CERKL: variants seen among roughly 807,000 people sequenced by gnomAD.
The protein encoded by CERKL is ceramide kinase-like protein.
A neutral mutation model predicts 63.4 loss-of-function variants in CERKL; 61 were observed. That is an observed-to-expected ratio of 0.96 (90% CI 0.78 to 1.19). The LOEUF is 1.19. CERKL is among the 50% of genes most tolerant of loss of function. The pLI is 0.00. For missense variants in CERKL, 675 were observed against 655.5 expected, an observed-to-expected ratio of 1.03 and a Z score of -0.33; for synonymous variants, 250 against 230.5, an observed-to-expected ratio of 1.08 and a Z score of -0.77.
chr2:181,619,431 G>C (rs1242442402), intron 1 of CERKL, among the ~76,000 whole-genome samples: 1 of 151,962 alleles, frequency 6.6e-6, no homozygotes, highest in Non-Finnish European at 1.5e-5. Flanking sequence ...CTGAGCCTCA[G>C]ATTATGGTAA....
intron 11 of CERKL, among the ~76,000 whole-genome samples, 170 bp from the exon 12 acceptor site, chr2:181,539,434 C>G (rs918647218): frequency 2.0e-5 from 3 of 152,096 alleles, no homozygotes; most frequent in Non-Finnish European, 4.4e-5. Flanking sequence ...GAAGGAATCT[C>G]TTATCCAAAG....
Position 181,539,206 on chromosome 2 carries a change from T to G in CERKL, c.1424A>C (p.Asn475Thr), listed in dbSNP as rs757582355. ...TVEEVKVHPRNNTGGYNPEEE... is the reference protein window; with the variant it reads ...TVEEVKVHPRTNTGGYNPEEE... ...CTCTGGATTATATCCACCAGTATTA[T>G]TCCTTGGATGAACTTTTACTTCCTC... Residue 475 changes from asparagine to threonine, a missense_variant, in exon 12 of 13, where the codon AAT becomes ACT. Physicochemically the swap from Asn to Thr is moderately conservative, Grantham distance 65. Coordinates refer to ENST00000410087, the MANE Select transcript of CERKL (RefSeq NM_201548.5). 11 of 1,605,384 alleles carry G rather than the reference T, an allele frequency of 6.9e-6. No homozygotes were observed. The South Asian group carries it at 1.2e-4, about 18-fold the overall frequency.
chr2:181,650,713 C>T (rs1324198971), intron 1 of CERKL, among the ~76,000 whole-genome samples: 3 of 149,834 alleles, frequency 2.0e-5, no homozygotes, highest in East Asian at 3.9e-4. Flanking sequence ...GAGCCGAGAT[C>T]ACACCATTGC....
At chr2:181,568,899 A>G (rs1479433132) in intron 3 of CERKL, among the ~76,000 whole-genome samples, 1 of 149,106 alleles carries the variant, frequency 6.7e-6, no homozygotes, top group Non-Finnish European at 1.5e-5. Context: ...TGATTTTCAA[A>G]TTAGAGAGAT....
At chr2:181,584,339 T>C (rs1455187748) in intron 2 of CERKL, among the ~76,000 whole-genome samples, 1 of 147,910 alleles carries the variant, frequency 6.8e-6, no homozygotes, top group East Asian at 2.0e-4. Context: ...CAGAGAGATA[T>C]TGTCTCTACA....
chr2:181,545,934 A>G (rs1235905747), intron 10 of CERKL, among the ~76,000 whole-genome samples: 2 of 152,196 alleles, frequency 1.3e-5, no homozygotes, highest in Non-Finnish European at 1.5e-5. Context: ...TACTTAGAAT[A>G]TAAGAATATT....
intron 1 of CERKL, among the ~76,000 whole-genome samples, chr2:181,634,205 T>C (rs1687080412): frequency 6.6e-6 from 1 of 152,156 alleles, no homozygotes; most frequent in African/African-American, 2.4e-5. Context: ...TCAAATATTG[T>C]AGATTCACGT....
At position 181,536,844 on chromosome 2, in the gene CERKL, A is replaced by C. The variant is rs939745582; in HGVS notation, c.*1340T>G. On this transcript the variant is annotated 3_prime_UTR_variant, in exon 13 of 13. Transcript: ENST00000410087. The stretch of plus-strand genomic sequence containing the variant: ...TATCATTTTATCTGACTCTGCCTTC[A>C]TAAGAGAGCTGTGGCCGAATTTTGA... The C allele has an allele frequency of 1.7e-5, 7 of 414,052 alleles. No individual in the cohort carries two copies. Among genetic ancestry groups the C allele is most frequent in the Non-Finnish European group, 3.4e-5 (7 of 207,378 alleles). 25.6% of individuals were successfully genotyped at this position (414,052 alleles called of 1,614,324 possible).
At chr2:181,632,465 A>C (rs897653151) in intron 1 of CERKL, among the ~76,000 whole-genome samples, 3 of 152,220 alleles carry the variant, frequency 2.0e-5, no homozygotes, top group Non-Finnish European at 2.9e-5. Flanking sequence ...TAACTTTGCT[A>C]TTCTTCAATT....
intron 2 of CERKL, among the ~76,000 whole-genome samples, chr2:181,601,130 A>T (rs1685442637): frequency 6.6e-6 from 1 of 152,212 alleles, no homozygotes; most frequent in African/African-American, 2.4e-5. Flanking sequence ...GCATAAATCA[A>T]AAAAATTGAA....
chr2:181,565,692 T>C (rs1272643141), intron 4 of CERKL, among the ~76,000 whole-genome samples: 1 of 152,124 alleles, frequency 6.6e-6, no homozygotes, highest in African/African-American at 2.4e-5. Context: ...CAAAAGAAGA[T>C]CATCATATAG....
intron 2 of CERKL, among the ~76,000 whole-genome samples, chr2:181,599,396 G>A (rs1444255460): frequency 6.6e-6 from 1 of 151,816 alleles, no homozygotes; most frequent in Admixed American, 6.6e-5. Flanking sequence ...AATTAGTCGG[G>A]GGTGGTGGCA....
chr2:181,573,071 G>A (rs563041771), intron 3 of CERKL, among the ~76,000 whole-genome samples: 8 of 152,084 alleles, frequency 5.3e-5, no homozygotes, highest in South Asian at 2.1e-4. Context: ...GGAAGGTTGC[G>A]ATTCTCCATA....
At chr2:181,611,693 A>G (rs1276521176) in intron 1 of CERKL, among the ~76,000 whole-genome samples, 2 of 152,182 alleles carry the variant, frequency 1.3e-5, no homozygotes, top group African/African-American at 4.8e-5. Context: ...TCAAAAGTAA[A>G]TAAAATGCCG....
intron 2 of CERKL, among the ~76,000 whole-genome samples, chr2:181,602,929 T>C (rs1685517405): frequency 6.6e-6 from 1 of 152,230 alleles, no homozygotes; most frequent in Admixed American, 6.5e-5. Flanking sequence ...ATATTTTAAC[T>C]AGATAACTTC....
chr2:181,636,436 CATTT>C (rs1687182414), intron 1 of CERKL, among the ~76,000 whole-genome samples: 1 of 151,646 alleles, frequency 6.6e-6, no homozygotes, highest in African/African-American at 2.4e-5. Context: ...GTGTGGAGCC[CATTT>C]ATAATCTATC....
At chr2:181,614,608 A>C (rs897944990) in intron 1 of CERKL, among the ~76,000 whole-genome samples, 1 of 152,224 alleles carries the variant, frequency 6.6e-6, no homozygotes, top group African/African-American at 2.4e-5. Context: ...TGTCATCTAC[A>C]AGATAACTAC....
At chr2:181,655,526 TA>T (rs1242635118) in intron 1 of CERKL, among the ~76,000 whole-genome samples, 3 of 152,260 alleles carry the variant, frequency 2.0e-5, no homozygotes, top group African/African-American at 7.2e-5. Context: ...CCTTGGTTTT[TA>T]AAACACCTGA....
At chr2:181,633,002 G>T (rs1457438206) in intron 1 of CERKL, among the ~76,000 whole-genome samples, 7 of 152,298 alleles carry the variant, frequency 4.6e-5, no homozygotes, top group African/African-American at 1.7e-4. Flanking sequence ...GGGACACAGA[G>T]GCGCCTGACT....
Sources: allele counts gnomAD v4.1 joint callset (sites outside exome capture counted in the v4.1 genomes callset), GRCh38; gene constraint gnomAD v4.1.1; transcripts MANE v1.5; gene names NCBI Gene and HGNC (gene_info 2026-07-23, HGNC 2026-07-21).